The following KCNH7 variants were observed in gnomAD, a reference collection of about 807,000 sequenced individuals.
The protein encoded by KCNH7 is potassium voltage-gated channel subfamily H member 7.
A neutral mutation model predicts 120.8 loss-of-function variants in KCNH7; 49 were observed. That is an observed-to-expected ratio of 0.41 (90% CI 0.32 to 0.51). The LOEUF is 0.51. Among genes scored for constraint, KCNH7 ranks in the 20% least tolerant of loss-of-function variants. The probability of loss-of-function intolerance (pLI) is 0.38; values close to 1 mark genes in which losing one functional copy is unlikely to be tolerated. For synonymous variants in KCNH7, 547 were observed against 516.1 expected, an observed-to-expected ratio of 1.06 and a Z score of -0.81; for missense variants, 1,097 against 1,446.6, an observed-to-expected ratio of 0.76 and a Z score of 3.92.
intron 2 of KCNH7, among the ~76,000 whole-genome samples, chr2:162,747,577 A>C (rs1478128110): frequency 6.6e-6 from 1 of 152,168 alleles, no homozygotes; most frequent in African/African-American, 2.4e-5. Context: ...TGTAGGCAGA[A>C]CTGAACTCAA....
At chr2:162,436,442 G>A (rs1188135195) in intron 7 of KCNH7, among the ~76,000 whole-genome samples, 1 of 152,068 alleles carries the variant, frequency 6.6e-6, no homozygotes, top group East Asian at 1.9e-4. Context: ...AACTAATTGG[G>A]TGATTATTAC....
chr2:162,787,832 G>A (rs1188191436), intron 2 of KCNH7, among the ~76,000 whole-genome samples: 1 of 152,102 alleles, frequency 6.6e-6, no homozygotes, highest in Non-Finnish European at 1.5e-5. Context: ...AATGACCCTA[G>A]TTCCAGGCCT....
At chr2:162,413,368 C>G (rs1011201552) in intron 9 of KCNH7, among the ~76,000 whole-genome samples, 9 of 152,056 alleles carry the variant, frequency 5.9e-5, no homozygotes, top group African/African-American at 1.9e-4. Flanking sequence ...CTCAGGTGAT[C>G]CACCCGCTTT....
intron 2 of KCNH7, among the ~76,000 whole-genome samples, chr2:162,834,363 T>C (rs1245573466): frequency 6.6e-6 from 1 of 152,184 alleles, no homozygotes; most frequent in Middle Eastern, 3.4e-3. Flanking sequence ...AAAAAGAAAA[T>C]GCTTGACCCA....
intron 9 of KCNH7, among the ~76,000 whole-genome samples, chr2:162,422,004 A>G (rs1391241072): frequency 6.6e-6 from 1 of 152,184 alleles, no homozygotes; most frequent in East Asian, 1.9e-4. Flanking sequence ...TGATGGAAAT[A>G]TAGAAAAGTG....
chr2:162,384,811 G>A lies in KCNH7; in HGVS notation c.2839C>T (p.Pro947Ser). Residue 947 changes from proline (P) to serine (S), a missense_variant, in exon 13 of 16, where the codon CCG becomes TCG. This residue lies in a region of KCNH7 where 406 missense variants were observed against 410.5 expected (regional missense o/e 0.99). Transcript: ENST00000332142. ...FISSIDDEQK[P>S]LFSGIVDSSP... ...GAGTCTACTATTCCTGAGAAGAGCG[G>A]CTTTTGTTCATCATCAATGGAGGAG... 1 of 1,612,812 alleles carries A rather than the reference G, an allele frequency of 6.2e-7. No individual in the cohort carries two copies. The highest frequency in any genetic ancestry group is 8.5e-7 in the Non-Finnish European group (1 of 1,179,130).
intron 4 of KCNH7, 148 bp downstream of exon 4, chr2:162,517,582 C>G (rs1022520441): frequency 4.8e-6 from 3 of 618,844 alleles, no homozygotes; most frequent in Non-Finnish European, 8.0e-6. Context: ...AGTAACAACT[C>G]TGAGTGTAGG....
At position 162,616,393 on chromosome 2, in the gene KCNH7, C is replaced by T. The variant is rs1375748205; in HGVS notation, c.308-79313G>A. On this transcript the variant is annotated intron_variant, in intron 2 of 15. Coordinates refer to ENST00000332142, the MANE Select transcript of KCNH7 (RefSeq NM_033272.4). ...AATAAATCACACGATTAATGTGCCA[C>T]GTTGGGGGTGGTGTGGAGAAGTAAA... Among the ~76,000 whole-genome samples the T allele has an allele frequency of 3.3e-5, 5 of 152,184 alleles. 1 individual carries two copies. The highest frequency in any genetic ancestry group is 4.8e-5 in the African/African-American group (2 of 41,444).
At chr2:162,782,844 G>A (rs1447135256) in intron 2 of KCNH7, among the ~76,000 whole-genome samples, 1 of 152,200 alleles carries the variant, frequency 6.6e-6, no homozygotes. Context: ...GGTTAAGCTG[G>A]AAATCATGTT....
intron 2 of KCNH7, among the ~76,000 whole-genome samples, chr2:162,757,087 AT>A (rs1688812505): frequency 6.6e-6 from 1 of 151,982 alleles, no homozygotes; most frequent in Admixed American, 6.6e-5. Flanking sequence ...GTTTAAAAAT[AT>A]TTTTTCTATG....
At chr2:162,519,355 A>T (rs180917425) in intron 3 of KCNH7, among the ~76,000 whole-genome samples, 11 of 151,962 alleles carry the variant, frequency 7.2e-5, no homozygotes, top group Non-Finnish European at 1.5e-5. Flanking sequence ...CTCAAATATA[A>T]CGTTAAGTAA....
In KCNH7 at chr2:162,373,466, T is replaced by C. The variant is rs1178253579; in HGVS notation, c.3324+4A>G. On this transcript the variant is annotated splice_donor_region_variant and intron_variant, in intron 15 of 15. Transcript: ENST00000332142. ...ACTCTTGGTTGGATGGTATCCACAC[T>C]TACTTGTGAGGAAGGGCTGAAACTT... 7 of 1,516,528 alleles carry C rather than the reference T, an allele frequency of 4.6e-6. No individual in the cohort carries two copies. Among genetic ancestry groups the C allele is most frequent in the South Asian group, 1.3e-5 (1 of 74,996 alleles). The allele number at this position is 1,516,528 out of a possible 1,614,324, so 93.9% of individuals were successfully genotyped here.
chr2:162,412,562 A>G (rs1404301896), intron 9 of KCNH7, among the ~76,000 whole-genome samples: 2 of 152,300 alleles, frequency 1.3e-5, no homozygotes, highest in South Asian at 4.1e-4. Context: ...CTACTGACAA[A>G]CATTAGTGAC....
rs538839123 is a variant in KCNH7 at position 162,572,657 on chromosome 2, A to T, written c.308-35577T>A. Among the ~76,000 whole-genome samples the T allele has an allele frequency of 4.8e-3, 600 of 125,450 alleles. 2 individuals are homozygous for T. Among genetic ancestry groups the T allele is most frequent in the Non-Finnish European group, 7.5e-3 (461 of 61,150 alleles). The allele number at this position is 125,450 out of a possible 152,430, so 82.3% of individuals were successfully genotyped here. A position where few individuals can be genotyped will look rare whatever the true frequency, so the allele number is the denominator to read the frequency against. On this transcript the variant is annotated intron_variant, in intron 2 of 15. Coordinates refer to ENST00000332142, the MANE Select transcript of KCNH7 (RefSeq NM_033272.4). ...GACTTGGAACCAACCCAAATGTCCA[A>T]CAATGATAGACTGGATTAAGAAAAT...
intron 13 of KCNH7, among the ~76,000 whole-genome samples, chr2:162,381,891 C>CA (rs1686429876): frequency 6.6e-6 from 1 of 152,016 alleles, no homozygotes; most frequent in Non-Finnish European, 1.5e-5. Context: ...AATATCTTAG[C>CA]AAACTGGGAT....
intron 2 of KCNH7, among the ~76,000 whole-genome samples, chr2:162,777,788 T>C (rs1683302346): frequency 6.6e-6 from 1 of 152,144 alleles, no homozygotes; most frequent in Admixed American, 6.6e-5. Context: ...ACTCTGACTA[T>C]GCCATAAGAA....
At chr2:162,570,481 T>C (rs1172681095) in intron 2 of KCNH7, among the ~76,000 whole-genome samples, 1 of 152,106 alleles carries the variant, frequency 6.6e-6, no homozygotes, top group Admixed American at 6.6e-5. Flanking sequence ...TGACTCTTTA[T>C]CCAATTTGCC....
At chr2:162,820,045 T>C (rs925589193) in intron 2 of KCNH7, among the ~76,000 whole-genome samples, 8 of 142,500 alleles carry the variant, frequency 5.6e-5, no homozygotes, top group Non-Finnish European at 9.2e-5. Context: ...TTTTTTTTTT[T>C]TTTTTTTTTT....
chr2:162,741,144 G>A (rs78500965), intron 2 of KCNH7, among the ~76,000 whole-genome samples: 3,094 of 151,514 alleles, frequency 0.02, 69 homozygotes, highest in East Asian at 0.11. Context: ...TTAGTTTCAT[G>A]TCATGGCATA....
Sources: allele counts gnomAD v4.1 joint callset (sites outside exome capture counted in the v4.1 genomes callset), GRCh38; gene constraint gnomAD v4.1.1; regional missense constraint gnomAD v4.1.1; transcripts MANE v1.5; gene names NCBI Gene and HGNC (gene_info 2026-07-23, HGNC 2026-07-21).